RUNX1: variants seen among roughly 807,000 people sequenced by gnomAD.
The protein encoded by RUNX1 is runt-related transcription factor 1.
In RUNX1, 19 loss-of-function variants were observed where a neutral mutation model predicts 42.8. The observed-to-expected ratio is 0.44, with a 90% confidence interval of 0.31 to 0.65. The LOEUF is 0.65. Ranked by LOEUF, RUNX1 falls within the 30% of genes least tolerant of loss-of-function variation. The pLI is 0.07. For synonymous variants in RUNX1, 271 were observed against 289.4 expected (o/e 0.94, Z 0.64); for missense variants, 528 against 672.0 (o/e 0.79, Z 2.37).
At chr21:34,838,680 A>C (rs1440605801) in intron 6 of RUNX1, among the ~76,000 whole-genome samples, 1 of 152,172 alleles carries the variant, frequency 6.6e-6, no homozygotes, top group Admixed American at 6.5e-5. Context: ...TGACAATGGA[A>C]AAGAAATCAA....
At chr21:34,865,275 T>TGTGC (rs1249174422) in intron 5 of RUNX1, among the ~76,000 whole-genome samples, 2 of 128,814 alleles carry the variant, frequency 1.6e-5, no homozygotes, top group South Asian at 2.5e-4. Flanking sequence ...GGAGGGGTTT[T>TGTGC]GTGCGTGTGT....
At chr21:35,037,864 T>C (rs547816556) in intron 2 of RUNX1, among the ~76,000 whole-genome samples, 24 of 152,280 alleles carry the variant, frequency 1.6e-4, no homozygotes, top group Admixed American at 1.6e-3. Flanking sequence ...AACTCAGCCT[T>C]CTGCCAAAGA....
intron 2 of RUNX1, among the ~76,000 whole-genome samples, chr21:35,026,088 C>T (rs1411541288): frequency 6.6e-6 from 1 of 152,212 alleles, no homozygotes; most frequent in Non-Finnish European, 1.5e-5. Flanking sequence ...CCCCAACAGG[C>T]ATCATCTTCT....
intron 2 of RUNX1, among the ~76,000 whole-genome samples, chr21:34,933,104 A>G (rs775183666): frequency 1.3e-5 from 2 of 152,228 alleles, no homozygotes; most frequent in African/African-American, 2.4e-5. Flanking sequence ...TGTTCACCCA[A>G]AGCTGTTGGC....
At chr21:34,819,769 C>T (rs1601388792) in intron 7 of RUNX1, among the ~76,000 whole-genome samples, 2 of 152,360 alleles carry the variant, frequency 1.3e-5, no homozygotes, top group East Asian at 3.9e-4. Context: ...CAGCCTCCCG[C>T]CCCTCCTGGC....
At chr21:34,852,640 A>C (rs1244723847) in intron 6 of RUNX1, among the ~76,000 whole-genome samples, 1 of 152,218 alleles carries the variant, frequency 6.6e-6, no homozygotes, top group Non-Finnish European at 1.5e-5. Context: ...ATGCCTTTCA[A>C]AGTGGGGAGG....
intron 2 of RUNX1, among the ~76,000 whole-genome samples, chr21:34,948,444 C>A (rs2058581773): frequency 6.6e-6 from 1 of 152,152 alleles, no homozygotes; most frequent in African/African-American, 2.4e-5. Flanking sequence ...TAGGAACAGG[C>A]TCTGAGAGGA....
intron 2 of RUNX1, among the ~76,000 whole-genome samples, chr21:35,035,074 T>C (rs2059298002): frequency 6.6e-6 from 1 of 152,084 alleles, no homozygotes; most frequent in East Asian, 1.9e-4. Context: ...GTTTGGGTAG[T>C]GTGTAAGGAA....
chr21:34,975,598 G>A (rs2146766083), intron 2 of RUNX1, among the ~76,000 whole-genome samples: 1 of 152,302 alleles, frequency 6.6e-6, no homozygotes, highest in Admixed American at 6.5e-5. Context: ...ATACTGGGGG[G>A]TGACTGTACT....
At chr21:34,903,151 T>C (rs1378852542) in intron 2 of RUNX1, among the ~76,000 whole-genome samples, 2 of 152,192 alleles carry the variant, frequency 1.3e-5, no homozygotes, top group African/African-American at 4.8e-5. Flanking sequence ...ATAATTTACA[T>C]GGTGATTGAG....
At chr21:34,998,686 C>T (rs963374138) in intron 2 of RUNX1, among the ~76,000 whole-genome samples, 2 of 152,074 alleles carry the variant, frequency 1.3e-5, no homozygotes, top group East Asian at 3.9e-4. Flanking sequence ...GGACTACAGG[C>T]ACCCGCCACC....
intron 7 of RUNX1, among the ~76,000 whole-genome samples, chr21:34,820,407 T>G (rs568604393): frequency 2.6e-5 from 4 of 152,010 alleles, no homozygotes; most frequent in Non-Finnish European, 5.9e-5. Flanking sequence ...CTCAGCACTT[T>G]GGGAGGCCGA....
rs1305226616 is a variant in RUNX1, at chr21:34,859,365, C to T, written c.613+109G>A. 6.4e-6 allele frequency: 6 copies of T among 932,262 alleles called. No homozygotes were observed. The African/African-American group carries it at 6.5e-5, about 10-fold the overall frequency. 57.7% of individuals were successfully genotyped at this position (932,262 alleles called of 1,614,324 possible). ...TGGCTTTACGGGGGCCTGACATCCC[C>T]CTGGGGGAAAGGTTGAACCCAAGGA... On this transcript the variant is annotated intron_variant, in intron 6 of 8. Coordinates refer to ENST00000675419, the MANE Select transcript of RUNX1 (RefSeq NM_001754.5).
At chr21:34,890,436 C>G (rs2058067840) in intron 3 of RUNX1, among the ~76,000 whole-genome samples, 1 of 152,154 alleles carries the variant, frequency 6.6e-6, no homozygotes, top group South Asian at 2.1e-4. Context: ...CAGGTGGGGA[C>G]TCTCGGACCA....
chr21:34,925,209 C>A (rs2058384152), intron 2 of RUNX1, among the ~76,000 whole-genome samples: 1 of 152,156 alleles, frequency 6.6e-6, no homozygotes, highest in Non-Finnish European at 1.5e-5. Context: ...GGTTACGTAT[C>A]TGAAAACATA....
chr21:34,913,242 AAGAAGGAGAAGG>A (rs796474477), intron 2 of RUNX1, among the ~76,000 whole-genome samples: 1 of 152,072 alleles, frequency 6.6e-6, no homozygotes, highest in African/African-American at 2.4e-5. Context: ...CAAAAAGAAG[AAGAAGGAGAAGG>A]AGAAGGAGAA....
chr21:34,977,630 G>T (rs978837650), intron 2 of RUNX1, among the ~76,000 whole-genome samples: 1 of 152,206 alleles, frequency 6.6e-6, no homozygotes, highest in Non-Finnish European at 1.5e-5. Context: ...TGGAAGTGGG[G>T]ACAGTCAGGT....
intron 7 of RUNX1, among the ~76,000 whole-genome samples, chr21:34,832,462 A>G (rs117278906): frequency 6.6e-6 from 1 of 152,334 alleles, no homozygotes; most frequent in East Asian, 1.9e-4. Context: ...TTTTGTTCCC[A>G]TATCAGCAGA....
intron 2 of RUNX1, among the ~76,000 whole-genome samples, chr21:34,948,100 T>TG (rs527758797): frequency 0.039 from 5,799 of 148,356 alleles, 343 homozygotes; most frequent in African/African-American, 0.13. Context: ...TTTTTTTTTT[T>TG]GGGGGGGGGT....
Sources: gnomAD v4.1 joint callset for allele counts (sites outside exome capture counted in the v4.1 genomes callset) on GRCh38, gnomAD v4.1.1 for gene constraint, MANE v1.5 for transcripts, NCBI Gene and HGNC (gene_info 2026-07-23, HGNC 2026-07-21) for gene names.